LSAMP: variants seen among roughly 807,000 people sequenced by gnomAD.
LSAMP encodes the protein limbic system-associated membrane protein.
LSAMP carries 7 observed loss-of-function variants against 38.6 expected under a neutral mutation model. That is an observed-to-expected ratio of 0.18 (90% confidence interval 0.10 to 0.34). The LOEUF (loss-of-function observed/expected upper bound fraction) is 0.34, where lower values mean the gene tolerates loss of function less well. Among genes scored for constraint, LSAMP ranks in the 10% least tolerant of loss-of-function variants. The pLI, the probability that LSAMP is intolerant of heterozygous loss-of-function variation, is 1.00. For missense variants in LSAMP, 313 were observed against 420.0 expected, an observed-to-expected ratio of 0.75 and a Z score of 2.23; for synonymous variants, 154 against 166.8, an observed-to-expected ratio of 0.92 and a Z score of 0.59.
At position 116,224,201 on chromosome 3, in the gene LSAMP, G is replaced by A. The variant is rs117445276; in HGVS notation, c.156-137645C>T. ...GCTGTTTCAAGGAACAACTATTCAT[G>A]TTATCCAGCTATAATTATTTTACTC... On this transcript the variant is annotated intron_variant, in intron 1 of 6. Coordinates refer to ENST00000490035, the MANE Select transcript of LSAMP (RefSeq NM_002338.5). 1.4e-3 allele frequency among the ~76,000 whole-genome samples: 212 copies of A among 152,240 alleles called. 8 individuals carry two copies. In the East Asian group the frequency reaches 0.038, roughly 27 times the overall value.
intron 3 of LSAMP, among the ~76,000 whole-genome samples, chr3:115,861,601 G>A (rs1261183689): frequency 6.6e-6 from 1 of 152,156 alleles, no homozygotes; most frequent in African/African-American, 2.4e-5. Context: ...GTTTTCTCAG[G>A]TATGAAGAAA....
intron 6 of LSAMP, among the ~76,000 whole-genome samples, chr3:115,839,345 C>T (rs1471747803): frequency 6.8e-6 from 1 of 147,264 alleles, no homozygotes; most frequent in African/African-American, 2.5e-5. Context: ...ATCTCCCTCC[C>T]TCTCTTTTCC....
At chr3:115,859,374 AAC>A (rs1935604656) in intron 3 of LSAMP, among the ~76,000 whole-genome samples, 1 of 152,226 alleles carries the variant, frequency 6.6e-6, no homozygotes. Flanking sequence ...CAAAAACAAA[AAC>A]GGAGAGATGT....
chr3:116,012,580 A>G (rs1197798181), intron 3 of LSAMP, among the ~76,000 whole-genome samples: 2 of 152,204 alleles, frequency 1.3e-5, no homozygotes, highest in African/African-American at 2.4e-5. Context: ...ATGGCCTTTT[A>G]AAAAATAGAC....
chr3:116,366,640 G>A (rs1302740228), intron 1 of LSAMP, among the ~76,000 whole-genome samples: 1 of 152,116 alleles, frequency 6.6e-6, no homozygotes, highest in African/African-American at 2.4e-5. Flanking sequence ...TGGAGGAAGT[G>A]CCTCAGAAGT....
At chr3:116,406,675 C>A (rs982717731) in intron 1 of LSAMP, among the ~76,000 whole-genome samples, 20 of 152,030 alleles carry the variant, frequency 1.3e-4, no homozygotes, top group Admixed American at 8.5e-4. Context: ...TTTGGAACAG[C>A]ACTTCTATTT....
At chr3:116,283,219 G>GAAGA (rs10678841) in intron 1 of LSAMP, among the ~76,000 whole-genome samples, 35,858 of 151,368 alleles carry the variant, frequency 0.24, 7,052 homozygotes, top group African/African-American at 0.54. Context: ...AGAAAAAAAA[G>GAAGA]AAGAAAGAAA....
At chr3:116,217,822 T>C (rs1393224364) in intron 1 of LSAMP, among the ~76,000 whole-genome samples, 4 of 152,194 alleles carry the variant, frequency 2.6e-5, no homozygotes, top group African/African-American at 9.6e-5. Flanking sequence ...ACACTGCTTA[T>C]ATATGCATAA....
intron 1 of LSAMP, among the ~76,000 whole-genome samples, chr3:116,207,890 C>A (rs1326781886): frequency 6.6e-6 from 1 of 151,338 alleles, no homozygotes; most frequent in Non-Finnish European, 1.5e-5. Context: ...TGGAGTTGCT[C>A]TTCTCGAGGA....
chr3:116,199,023 G>T (rs958014604), intron 1 of LSAMP, among the ~76,000 whole-genome samples: 3 of 152,090 alleles, frequency 2.0e-5, no homozygotes, highest in African/African-American at 7.2e-5. Flanking sequence ...GGTCCAGGCT[G>T]CAGTGAGCCA....
At chr3:115,812,597 A>G (rs571197334) in intron 6 of LSAMP, among the ~76,000 whole-genome samples, 1 of 152,216 alleles carries the variant, frequency 6.6e-6, no homozygotes, top group East Asian at 1.9e-4. Flanking sequence ...TTCTATGTAC[A>G]CTAGATGGCA....
At chr3:116,275,819 AT>A (rs905993063) in intron 1 of LSAMP, among the ~76,000 whole-genome samples, 1 of 152,192 alleles carries the variant, frequency 6.6e-6, no homozygotes, top group Non-Finnish European at 1.5e-5. Context: ...TCATCAATTA[AT>A]TTTATTTCCA....
intron 1 of LSAMP, among the ~76,000 whole-genome samples, chr3:116,248,554 G>A (rs1240445105): frequency 6.7e-6 from 1 of 150,038 alleles, no homozygotes; most frequent in African/African-American, 2.5e-5. Flanking sequence ...TGGGGACAGA[G>A]TAAACCGTTT....
At chr3:116,028,188 CAAT>C (rs1355459682) in intron 2 of LSAMP, among the ~76,000 whole-genome samples, 5 of 152,114 alleles carry the variant, frequency 3.3e-5, no homozygotes, top group African/African-American at 1.2e-4. Flanking sequence ...CAGGATTCAA[CAAT>C]GAGAATAAAA....
chr3:116,426,747 C>A (rs1321158366), intron 1 of LSAMP, among the ~76,000 whole-genome samples: 2 of 152,134 alleles, frequency 1.3e-5, no homozygotes, highest in Non-Finnish European at 2.9e-5. Flanking sequence ...AACCCTGGGG[C>A]CATCATCTTA....
At chr3:115,887,588 TCTCTGTTA>T (rs1936488248) in intron 3 of LSAMP, among the ~76,000 whole-genome samples, 4 of 151,952 alleles carry the variant, frequency 2.6e-5, no homozygotes, top group Admixed American at 2.6e-4. Context: ...TTAACCTGTT[TCTCTGTTA>T]ATTTGTTGGG....
At chr3:116,387,928 C>A (rs1434977449) in intron 1 of LSAMP, among the ~76,000 whole-genome samples, 5 of 151,260 alleles carry the variant, frequency 3.3e-5, no homozygotes, top group Non-Finnish European at 7.4e-5. Flanking sequence ...CCCGTCTCTA[C>A]TAAAAATACA....
intron 1 of LSAMP, among the ~76,000 whole-genome samples, chr3:116,233,305 C>T (rs557367185): frequency 8.9e-5 from 13 of 145,590 alleles, no homozygotes; most frequent in East Asian, 6.5e-4. Flanking sequence ...CCCAGCTACT[C>T]GGGAGGCTGA....
intron 1 of LSAMP, among the ~76,000 whole-genome samples, chr3:116,119,628 C>T (rs1708830346): frequency 6.6e-6 from 1 of 151,206 alleles, no homozygotes; most frequent in African/African-American, 2.4e-5. Flanking sequence ...ATATAAGTTA[C>T]TAAGGCTAAA....
Sources: gnomAD v4.1 joint callset for allele counts (sites outside exome capture counted in the v4.1 genomes callset) on GRCh38, gnomAD v4.1.1 for gene constraint, MANE v1.5 for transcripts, NCBI Gene and HGNC (gene_info 2026-07-23, HGNC 2026-07-21) for gene names.